TRPC4AP: variants seen among roughly 807,000 people sequenced by gnomAD.
TRPC4AP encodes the protein transient receptor potential cation channel subfamily C member 4 associated protein.
Under a neutral mutation model 99.0 loss-of-function variants are expected in TRPC4AP, and 45 were observed. The observed-to-expected ratio is 0.45, with a 90% CI of 0.36 to 0.58. The LOEUF (loss-of-function observed/expected upper bound fraction) is 0.58. TRPC4AP is among the 20% of genes least tolerant of loss of function. The pLI is 0.00. For synonymous variants in TRPC4AP, 408 were observed against 385.8 expected (o/e 1.06, Z -0.67); for missense variants, 879 against 985.3 (o/e 0.89, Z 1.44).
intron 7 of TRPC4AP, among the ~76,000 whole-genome samples, chr20:35,039,618 A>T (rs2083403474): frequency 6.6e-6 from 1 of 152,154 alleles, no homozygotes; most frequent in Admixed American, 6.5e-5. Flanking sequence ...ATACTCCTGT[A>T]GTTTCCCCTC....
chr20:35,034,648 G>C (rs529107300), intron 8 of TRPC4AP, among the ~76,000 whole-genome samples: 46 of 152,234 alleles, frequency 3.0e-4, no homozygotes, highest in Admixed American at 1.9e-3. Context: ...TTTAAGGCTG[G>C]GCACCTAACC....
In TRPC4AP at chr20:35,003,024, G is replaced by A; in HGVS notation, c.*122C>T. 2 of 1,416,444 alleles carry A rather than the reference G, an allele frequency of 1.4e-6. No homozygotes were observed. Among genetic ancestry groups the A allele is most frequent in the Non-Finnish European group, 1.9e-6 (2 of 1,039,662 alleles). 87.7% of individuals were successfully genotyped at this position (1,416,444 alleles called of 1,614,324 possible). A position where few individuals can be genotyped will look rare whatever the true frequency, so the allele number is the denominator to read the frequency against. On this transcript the variant is annotated 3_prime_UTR_variant, in exon 19 of 19. Transcript: ENST00000252015. ...CTAGGACTTCCCTCCCACCAAGCCT[G>A]TACCCAAAGACCTGGGGCAGGCAGA...
In TRPC4AP at chr20:35,086,575, G is replaced by GTGTATA. The variant is rs1555919531; in HGVS notation, c.168+6038_168+6039insTATACA. Among the ~76,000 whole-genome samples, 490 of 89,772 alleles carry GTGTATA rather than the reference G, an allele frequency of 5.5e-3. 31 individuals are homozygous for GTGTATA. Among genetic ancestry groups the GTGTATA allele is most frequent in the East Asian group, 6.8e-3 (20 of 2,932 alleles). The allele number at this position is 89,772 out of a possible 152,430, so 58.9% of individuals were successfully genotyped here. Reference sequence around the variant, plus strand: ...TGTGTGTGTGTGTGTGTGTGTGTGTGTATATATATATGAATAAGACTTTAT... The same window carrying GTGTATA: ...TGTGTGTGTGTGTGTGTGTGTGTGTGTGTATATATATATATATGAATAAGACTTTAT... On this transcript the variant is annotated intron_variant, in intron 1 of 18. Coordinates refer to ENST00000252015, the MANE Select transcript of TRPC4AP (RefSeq NM_015638.3).
In TRPC4AP at chr20:35,083,609, C is replaced by CA. The variant is rs879777905; in HGVS notation, c.169-5436dup. On this transcript the variant is annotated intron_variant, in intron 1 of 18. Coordinates refer to ENST00000252015, the MANE Select transcript of TRPC4AP (RefSeq NM_015638.3). Reference sequence around the variant, plus strand: ...TGGGAGACAGAGCGAGACTCCATCTCAAAAAAAAAAAAAATTACAGGAAAA... The same window carrying CA: ...TGGGAGACAGAGCGAGACTCCATCTCAAAAAAAAAAAAAAATTACAGGAAAA... Among the ~76,000 whole-genome samples the CA allele has an allele frequency of 6.3e-3, 684 of 109,212 alleles. 1 individual carries two copies. The highest frequency in any genetic ancestry group is 9.5e-3 in the East Asian group (37 of 3,904). The allele number at this position is 109,212 out of a possible 152,430, so 71.6% of individuals were successfully genotyped here.
chr20:35,033,069 C>T (rs995587813), intron 8 of TRPC4AP, among the ~76,000 whole-genome samples: 2 of 151,992 alleles, frequency 1.3e-5, no homozygotes, highest in African/African-American at 2.4e-5. Flanking sequence ...TGGTGGCATG[C>T]ACCTGTAACC....
At chr20:35,024,919 A>G (rs889408122) in intron 8 of TRPC4AP, among the ~76,000 whole-genome samples, 1 of 149,736 alleles carries the variant, frequency 6.7e-6, no homozygotes, top group Non-Finnish European at 1.5e-5. Context: ...GCTGTTATGA[A>G]TATGCTGTGA....
chr20:35,039,353 A>G (rs2083397694), intron 7 of TRPC4AP, among the ~76,000 whole-genome samples: 1 of 152,186 alleles, frequency 6.6e-6, no homozygotes, highest in African/African-American at 2.4e-5. Flanking sequence ...TCACCTCTTG[A>G]AAAGCTAATA....
intron 3 of TRPC4AP, among the ~76,000 whole-genome samples, chr20:35,063,726 T>C (rs912705869): frequency 6.6e-6 from 1 of 152,066 alleles, no homozygotes; most frequent in Non-Finnish European, 1.5e-5. Context: ...CCACGTGTGA[T>C]GGCATGAACC....
At chr20:35,081,021 TA>T (rs1186136036) in intron 1 of TRPC4AP, among the ~76,000 whole-genome samples, 1 of 152,152 alleles carries the variant, frequency 6.6e-6, no homozygotes, top group African/African-American at 2.4e-5. Context: ...CACTGAACTG[TA>T]CACTTACAAT....
At chr20:35,004,684 C>G (rs2082480140) in intron 16 of TRPC4AP, 114 bp from the exon 17 acceptor site, 2 of 807,630 alleles carry the variant, frequency 2.5e-6, no homozygotes, top group Non-Finnish European at 4.1e-6. Flanking sequence ...AGCTCATCAT[C>G]AAAACAGCTT....
Position 35,092,702 on chromosome 20 carries a change from C to A in TRPC4AP, c.80G>T (p.Gly27Val), listed in dbSNP as rs770303723. 1.9e-6 allele frequency: 3 copies of A among 1,549,076 alleles called. No homozygotes were observed. The highest frequency in any genetic ancestry group is 2.6e-6 in the Non-Finnish European group (3 of 1,158,542). ...RSAATVAAWGGWGGRPRPGNI... is the reference protein window; with the variant it reads ...RSAATVAAWGVWGGRPRPGNI... ...ACCAGGCCGCGGCCGGCCGCCCCAT[C>A]CGCCCCAAGCCGCCACTGTGGCTGC... Residue 27 changes from glycine to valine, a missense_variant, in exon 1 of 19, where the codon GGA becomes GTA. Physicochemically the swap from Gly to Val is moderately radical, Grantham distance 109. Transcript: ENST00000252015.
At chr20:35,038,743 T>A (rs2083381418) in intron 7 of TRPC4AP, among the ~76,000 whole-genome samples, 2 of 148,510 alleles carry the variant, frequency 1.3e-5, no homozygotes, top group African/African-American at 4.9e-5. Context: ...TTGTATCATT[T>A]AAAAAAAATT....
At chr20:35,049,677 G>C (rs1165986545) in intron 6 of TRPC4AP, among the ~76,000 whole-genome samples, 189 bp downstream of exon 6, 2 of 152,146 alleles carry the variant, frequency 1.3e-5, no homozygotes, top group Admixed American at 1.3e-4. Flanking sequence ...ATGTATGTCT[G>C]TTTAGGTTTT....
At chr20:35,081,488 G>C (rs532600594) in intron 1 of TRPC4AP, among the ~76,000 whole-genome samples, 145 of 151,330 alleles carry the variant, frequency 9.6e-4, no homozygotes, top group South Asian at 4.4e-3. Flanking sequence ...ACTCCAGCCC[G>C]GGCAACAGAA....
At chr20:35,074,231 CATT>C (rs1176137372) in intron 2 of TRPC4AP, among the ~76,000 whole-genome samples, 1 of 152,128 alleles carries the variant, frequency 6.6e-6, no homozygotes, top group East Asian at 1.9e-4. Flanking sequence ...CTTCTGGATT[CATT>C]GATTTTTTGA....
At chr20:35,041,155 A>AGGAAGAAAGGCCTC (rs1555909104) in intron 7 of TRPC4AP, among the ~76,000 whole-genome samples, 11 of 152,216 alleles carry the variant, frequency 7.2e-5, no homozygotes, top group South Asian at 4.1e-4. Flanking sequence ...TCTGTTAGTT[A>AGGAAGAAAGGCCTC]AGCCACCTAG....
chr20:35,019,214 G>A (rs953842415), intron 9 of TRPC4AP, among the ~76,000 whole-genome samples: 3 of 152,198 alleles, frequency 2.0e-5, no homozygotes, highest in Non-Finnish European at 4.4e-5. Context: ...CACGGTGCCC[G>A]GCACACAGCA....
At chr20:35,060,195 C>T (rs1013575617) in intron 3 of TRPC4AP, among the ~76,000 whole-genome samples, 1 of 152,112 alleles carries the variant, frequency 6.6e-6, no homozygotes, top group Admixed American at 6.6e-5. Flanking sequence ...GATACCAAAA[C>T]CAAACAAAGA....
chr20:35,059,739 CGACGAAGAAGAAGAA>C (rs1356074214), intron 3 of TRPC4AP, among the ~76,000 whole-genome samples: 4 of 149,756 alleles, frequency 2.7e-5, no homozygotes, highest in East Asian at 1.9e-4. Context: ...AAGAAGACTA[CGACGAAGAAGAAGAA>C]GACGAAGAAG....
Sources: gnomAD v4.1 joint callset for allele counts (sites outside exome capture counted in the v4.1 genomes callset) on GRCh38, gnomAD v4.1.1 for gene constraint, MANE v1.5 for transcripts, NCBI Gene and HGNC (gene_info 2026-07-23, HGNC 2026-07-21) for gene names.